CC2D2A: variants seen among roughly 807,000 people sequenced by gnomAD.
CC2D2A encodes the protein coiled-coil and C2 domain containing 2A.
Under a neutral mutation model 212.9 loss-of-function variants are expected in CC2D2A, and 155 were observed. That is an observed-to-expected ratio of 0.73 (90% CI 0.64 to 0.83). The LOEUF (loss-of-function observed/expected upper bound fraction) is 0.83, where lower values mean the gene tolerates loss of function less well. Ranked by LOEUF, CC2D2A falls within the 40% of genes least tolerant of loss-of-function variation. CC2D2A has a pLI of 0.00. For missense variants in CC2D2A, 1,856 were observed against 1,956.2 expected, an observed-to-expected ratio of 0.95 and a Z score of 0.97; for synonymous variants, 667 against 686.5, an observed-to-expected ratio of 0.97 and a Z score of 0.44.
In CC2D2A at chr4:15,510,158, G is replaced by A; in HGVS notation, c.458G>A (p.Arg153Lys). The A allele has an allele frequency of 6.2e-7, 1 of 1,613,088 alleles. No homozygotes were observed. Among genetic ancestry groups the A allele is most frequent in the Non-Finnish European group, 8.5e-7 (1 of 1,179,372 alleles). Reference protein sequence around the residue: ...FGTEPGKEVERTQQEVDSQSY... With the variant: ...FGTEPGKEVEKTQQEVDSQSY... ...ATATAGCCAGGGAAAGAGGTAGAAA[G>A]GACTCAACAAGAAGTTGACTCCCAA... Residue 153 changes from arginine to lysine, a missense_variant, in exon 7 of 37, where the codon AGG becomes AAG. Around this residue, in one of 5 missense-constraint regions of CC2D2A, gnomAD observed 1,512 missense variants for 1,579.3 expected, o/e 0.96. Transcript: ENST00000424120.
chr4:15,490,953 G>T (rs896149938), intron 4 of CC2D2A, among the ~76,000 whole-genome samples: 1 of 152,032 alleles, frequency 6.6e-6, no homozygotes, highest in African/African-American at 2.4e-5. Context: ...CCCCTCACAC[G>T]GACCGCCTTA....
intron 14 of CC2D2A, among the ~76,000 whole-genome samples, chr4:15,533,997 T>C (rs751188556): frequency 1.3e-5 from 2 of 152,232 alleles, no homozygotes; most frequent in Non-Finnish European, 2.9e-5. Flanking sequence ...ACCCATATCA[T>C]GCCTATCACT....
chr4:15,561,337 C>T (rs541889265), intron 23 of CC2D2A, among the ~76,000 whole-genome samples: 2 of 152,220 alleles, frequency 1.3e-5, no homozygotes, highest in Admixed American at 6.5e-5. Context: ...TATGCATATA[C>T]TTTCTCTCCA....
intron 11 of CC2D2A, among the ~76,000 whole-genome samples, chr4:15,521,521 T>G (rs1717202787): frequency 6.6e-6 from 1 of 152,230 alleles, no homozygotes; most frequent in Non-Finnish European, 1.5e-5. Flanking sequence ...ATTTTCAGTC[T>G]TACTTCCAAA....
rs1134634 is a variant in CC2D2A at position 15,601,446 on chromosome 4, G to C, written c.*21G>C. The C allele has an allele frequency of 0.58, 815,367 of 1,397,134 alleles. 239,041 individuals carry two copies. The highest frequency in any genetic ancestry group is 0.65 in the South Asian group (36,862 of 57,148). 86.5% of individuals were successfully genotyped at this position (1,397,134 alleles called of 1,614,324 possible). A position where few individuals can be genotyped will look rare whatever the true frequency, so the allele number is the denominator to read the frequency against. ...GGTAATTTTTTTCACTGTACTTTCT[G>C]TATCATGTAAAAACTACACTTAGGA... On this transcript the variant is annotated 3_prime_UTR_variant, in exon 37 of 37. Transcript: ENST00000424120.
chr4:15,576,810 T>G (rs1480757366), intron 29 of CC2D2A, among the ~76,000 whole-genome samples: 2 of 152,242 alleles, frequency 1.3e-5, no homozygotes, highest in Non-Finnish European at 2.9e-5. Context: ...GCCCATTTCA[T>G]TTTACCAGAA....
At chr4:15,545,748 T>C (rs1382924798) in intron 17 of CC2D2A, among the ~76,000 whole-genome samples, 4 of 152,100 alleles carry the variant, frequency 2.6e-5, no homozygotes, top group East Asian at 3.9e-4. Flanking sequence ...TAAAGTAAGA[T>C]TGGAGCCAGA....
At position 15,515,927 on chromosome 4, in the gene CC2D2A, CTT is replaced by C. The variant is rs1445978091; in HGVS notation, c.942_943del (p.Tyr315HisfsTer32). 1.3e-6 allele frequency: 2 copies of C among 1,562,806 alleles called. No individual in the cohort carries two copies. Among genetic ancestry groups the C allele is most frequent in the Non-Finnish European group, 1.7e-6 (2 of 1,153,372 alleles). On this transcript the variant is annotated frameshift_variant, in exon 10 of 37. Transcript: ENST00000424120. LOFTEE classifies it high-confidence loss of function. ...VQPRFLEDEG[L>X]YTGVRPEVAR... ...GCCCAGGTTCCTGGAAGATGAAGGCCTTTACACCGGGGTAAGACCAGAGGTGG... is the reference window on the plus strand; with the variant it reads ...GCCCAGGTTCCTGGAAGATGAAGGCCTACACCGGGGTAAGACCAGAGGTGG...
intron 27 of CC2D2A, 107 bp from the exon 28 acceptor site, chr4:15,570,291 T>A (rs777592758): frequency 2.0e-4 from 126 of 642,378 alleles, no homozygotes; most frequent in Non-Finnish European, 3.2e-4. Context: ...CTATCTAATA[T>A]AAGTTCATAT....
chr4:15,490,809 G>C (rs1022799592), intron 4 of CC2D2A, among the ~76,000 whole-genome samples: 2 of 152,110 alleles, frequency 1.3e-5, no homozygotes, highest in Non-Finnish European at 2.9e-5. Flanking sequence ...GGTAGTTAAA[G>C]ATCGACCCCT....
Position 15,587,675 on chromosome 4 carries a change from C to T in CC2D2A, c.4066-141C>T, listed in dbSNP as rs747339169. 8.5e-6 allele frequency: 4 copies of T among 471,204 alleles called. No homozygotes were observed. In the South Asian group the frequency reaches 1.5e-4, roughly 18 times the overall value. 29.2% of individuals were successfully genotyped at this position (471,204 alleles called of 1,614,324 possible). A position where few individuals can be genotyped will look rare whatever the true frequency, so the allele number is the denominator to read the frequency against. On this transcript the variant is annotated intron_variant, in intron 31 of 36. Coordinates refer to ENST00000424120, the MANE Select transcript of CC2D2A (RefSeq NM_001378615.1). ...GTTTTTTAAAAAAATGAATTATCAA[C>T]ATAGTATCAAAATTTCGGGCAAGAT... is the stretch of plus-strand genomic sequence containing the variant.
chr4:15,539,295 T>G (rs1718299650), intron 16 of CC2D2A, among the ~76,000 whole-genome samples: 1 of 152,176 alleles, frequency 6.6e-6, no homozygotes. Context: ...TGGTATATCA[T>G]CATTAATTAA....
chr4:15,601,425 A>G lies in CC2D2A; in HGVS notation c.4863A>G (p.Ter1621=). 2 of 1,459,004 alleles carry G rather than the reference A, an allele frequency of 1.4e-6. No individual in the cohort carries two copies. The highest frequency in any genetic ancestry group is 1.8e-6 in the Non-Finnish European group (2 of 1,099,380). The allele number at this position is 1,459,004 out of a possible 1,614,324, so 90.4% of individuals were successfully genotyped here. The part of the protein sequence containing the change: ...IYVASLIRNR[*] ...TTGCCTCTCTTATACGCAACAGGTA[A>G]TTTTTTTCACTGTACTTTCTGTATC... Residue 1621 remains the stop codon, a stop_retained_variant, in exon 37 of 37, where the codon TAA becomes TAG. Transcript: ENST00000424120.
chr4:15,480,865 C>T, intron 4 of CC2D2A, 38 bp downstream of exon 4: 7 of 1,597,464 alleles, frequency 4.4e-6, no homozygotes, highest in South Asian at 1.1e-5. Context: ...TGCTTGTTAA[C>T]TGCCTACTGT....
intron 34 of CC2D2A, among the ~76,000 whole-genome samples, chr4:15,596,535 G>C (rs1721330868): frequency 6.6e-6 from 1 of 152,102 alleles, no homozygotes; most frequent in Admixed American, 6.6e-5. Flanking sequence ...GAAACATCAA[G>C]TTAAATTGCA....
Position 15,569,328 on chromosome 4 carries a change from A to G in CC2D2A, c.3434A>G (p.Gln1145Arg). 1.3e-6 allele frequency: 2 copies of G among 1,583,488 alleles called. No homozygotes were observed. Among genetic ancestry groups the G allele is most frequent in the South Asian group, 2.3e-5 (2 of 86,348 alleles). ...GGAGATTATAGCACAGCCAGTCTGCAGTCAGTGAAAGATGTTGTGTTCATT... is the reference window on the plus strand; with the variant it reads ...GGAGATTATAGCACAGCCAGTCTGCGGTCAGTGAAAGATGTTGTGTTCATT... Reference protein sequence around the residue: ...PNGDYSTASLQSVKDVVFINI... With the variant: ...PNGDYSTASLRSVKDVVFINI... Residue 1145 changes from glutamine (Q) to arginine (R), a missense_variant, in exon 27 of 37, where the codon CAG becomes CGG. Physicochemically the swap from Gln to Arg is conservative, Grantham distance 43. This residue lies in a region of CC2D2A where 1,512 missense variants were observed against 1,579.3 expected (regional missense o/e 0.96). Coordinates refer to ENST00000424120, the MANE Select transcript of CC2D2A (RefSeq NM_001378615.1).
At chr4:15,570,842 C>T (rs1277249085) in intron 28 of CC2D2A, among the ~76,000 whole-genome samples, 1 of 152,068 alleles carries the variant, frequency 6.6e-6, no homozygotes, top group Non-Finnish European at 1.5e-5. Flanking sequence ...GAGCCAAGAT[C>T]GCGCCATTGC....
At chr4:15,596,273 A>G in intron 34 of CC2D2A, 66 bp downstream of exon 34, 1 of 1,393,080 alleles carries the variant, frequency 7.2e-7, no homozygotes, top group Non-Finnish European at 9.4e-7. Flanking sequence ...ACTGGGTTAC[A>G]AGATATTTTT....
intron 4 of CC2D2A, among the ~76,000 whole-genome samples, chr4:15,490,234 A>C (rs1715220681): frequency 6.6e-6 from 1 of 152,236 alleles, no homozygotes; most frequent in South Asian, 2.1e-4. Context: ...ATGCAATATC[A>C]AACTACAATC....
Sources: gnomAD v4.1 joint callset for allele counts (sites outside exome capture counted in the v4.1 genomes callset) on GRCh38, gnomAD v4.1.1 for gene constraint, gnomAD v4.1.1 regional missense constraint, MANE v1.5 for transcripts, NCBI Gene and HGNC (gene_info 2026-07-23, HGNC 2026-07-21) for gene names.